SETD7: variants seen among roughly 807,000 people sequenced by gnomAD.
The protein encoded by SETD7 is SET domain containing 7, histone lysine methyltransferase, also known as histone-lysine N-methyltransferase SETD7.
A neutral mutation model predicts 41.8 loss-of-function variants in SETD7; 16 were observed. The observed-to-expected ratio is 0.38, with a 90% CI of 0.26 to 0.58. The LOEUF (loss-of-function observed/expected upper bound fraction) is 0.58. Ranked by LOEUF, SETD7 falls within the 20% of genes least tolerant of loss-of-function variation. The pLI is 0.64. For synonymous variants in SETD7, 163 were observed against 169.7 expected (o/e 0.96, Z 0.31); for missense variants, 346 against 459.7 (o/e 0.75, Z 2.26).
At chr4:139,517,311 C>A (rs1217865796) in intron 7 of SETD7, among the ~76,000 whole-genome samples, 3 of 152,108 alleles carry the variant, frequency 2.0e-5, no homozygotes, top group Non-Finnish European at 4.4e-5. Flanking sequence ...CCCATCTCTA[C>A]TAAAAATACA....
At chr4:139,523,483 G>C in intron 4 of SETD7, 48 bp from the exon 5 acceptor site, 1 of 1,364,560 alleles carries the variant, frequency 7.3e-7, no homozygotes, top group Non-Finnish European at 1.0e-6. Flanking sequence ...TTAGGGAAGA[G>C]CATTTATAAC....
chr4:139,509,164 C>G lies in SETD7; in HGVS notation c.*2499G>C, dbSNP rs1487787544. 6.5e-6 allele frequency: 1 copy of G among 152,704 alleles called. No individual in the cohort carries two copies. Among genetic ancestry groups the G allele is most frequent in the Non-Finnish European group, 1.5e-5 (1 of 68,532 alleles). 9.5% of individuals were successfully genotyped at this position (152,704 alleles called of 1,614,324 possible). ...CTGGGGCTGCTGTTACCCAGGATGC[C>G]CAGGCGTTCTCACATATGCAGAGAG... is the stretch of plus-strand genomic sequence containing the variant. On this transcript the variant is annotated 3_prime_UTR_variant, in exon 8 of 8. Coordinates refer to ENST00000274031, the MANE Select transcript of SETD7 (RefSeq NM_030648.4).
chr4:139,548,868 C>G (rs1560693358), intron 1 of SETD7, among the ~76,000 whole-genome samples: 1 of 152,140 alleles, frequency 6.6e-6, no homozygotes, highest in Non-Finnish European at 1.5e-5. Context: ...CAGAAGGGAA[C>G]TAGGCCATAA....
chr4:139,541,538 C>T (rs1002814545), intron 2 of SETD7, among the ~76,000 whole-genome samples: 2 of 152,112 alleles, frequency 1.3e-5, no homozygotes, highest in Non-Finnish European at 2.9e-5. Context: ...ATCTCGGGAC[C>T]GAGTGGATGT....
At chr4:139,553,543 G>T (rs1040911513) in intron 1 of SETD7, among the ~76,000 whole-genome samples, 1 of 152,236 alleles carries the variant, frequency 6.6e-6, no homozygotes, top group African/African-American at 2.4e-5. Context: ...TGTTTTGGAA[G>T]TCCAAGCCAG....
chr4:139,514,072 C>T (rs1192836182), intron 7 of SETD7, among the ~76,000 whole-genome samples: 2 of 152,138 alleles, frequency 1.3e-5, no homozygotes, highest in Admixed American at 6.5e-5. Flanking sequence ...CACCTGAGCT[C>T]GGGAGTTCAA....
chr4:139,513,977 T>C (rs2111125002), intron 7 of SETD7, among the ~76,000 whole-genome samples: 1 of 152,284 alleles, frequency 6.6e-6, no homozygotes, highest in African/African-American at 2.4e-5. Context: ...CACAACTCTT[T>C]GCTTAAATTA....
At chr4:139,540,783 A>T (rs1339033484) in intron 2 of SETD7, among the ~76,000 whole-genome samples, 1 of 152,252 alleles carries the variant, frequency 6.6e-6, no homozygotes, top group African/African-American at 2.4e-5. Flanking sequence ...TTCCAACAAA[A>T]GCTAGAGGAC....
chr4:139,500,612 G>A (rs182845353), intron 7 of SETD7, among the ~76,000 whole-genome samples: 275 of 152,238 alleles, frequency 1.8e-3, no homozygotes, highest in African/African-American at 6.5e-3. Flanking sequence ...AGTTTCAAGC[G>A]ATTCTCCTGC....
chr4:139,526,046 TTTTGTTTG>T (rs140153702), intron 4 of SETD7, among the ~76,000 whole-genome samples: 22 of 150,978 alleles, frequency 1.5e-4, no homozygotes, highest in South Asian at 4.2e-4. Context: ...TGTTGTTTGT[TTTTGTTTG>T]TTTGTTTGTT....
chr4:139,541,218 A>C (rs865863738), intron 2 of SETD7, among the ~76,000 whole-genome samples: 1 of 152,178 alleles, frequency 6.6e-6, no homozygotes, highest in Admixed American at 6.5e-5. Context: ...CTAATATTCC[A>C]TAGCCCCCGC....
chr4:139,544,224 T>C (rs1366472174), intron 2 of SETD7, among the ~76,000 whole-genome samples: 5 of 150,738 alleles, frequency 3.3e-5, no homozygotes, highest in African/African-American at 7.3e-5. Context: ...TCCAGGGAGG[T>C]TGAAGCTGCA....
At chr4:139,553,857 C>T (rs769657931) in intron 1 of SETD7, among the ~76,000 whole-genome samples, 1 of 152,182 alleles carries the variant, frequency 6.6e-6, no homozygotes, top group Non-Finnish European at 1.5e-5. Context: ...TGGGAAAGAA[C>T]AGAAGCAGTT....
downstream of SETD7, among the ~76,000 whole-genome samples, chr4:139,501,560 A>G (rs548131487): frequency 2.6e-5 from 4 of 152,108 alleles, no homozygotes; most frequent in East Asian, 7.7e-4. Flanking sequence ...ACAAAAAACC[A>G]CTTGTACCCC....
intron 3 of SETD7, chr4:139,532,868 T>C (rs1478136051): frequency 4.1e-6 from 2 of 482,696 alleles, no homozygotes; most frequent in South Asian, 2.9e-5. Context: ...AAAAGCAATA[T>C]ATTTTGCCTT....
At chr4:139,520,234 C>A in intron 6 of SETD7, 43 bp downstream of exon 6, 1 of 1,103,652 alleles carries the variant, frequency 9.1e-7, no homozygotes, top group East Asian at 2.6e-5. Context: ...AAGCAAAGCC[C>A]TTTAACCAAC....
chr4:139,529,464 G>A (rs1272035054), intron 3 of SETD7, among the ~76,000 whole-genome samples: 1 of 152,196 alleles, frequency 6.6e-6, no homozygotes, highest in East Asian at 1.9e-4. Flanking sequence ...GATTTAGAGA[G>A]TGGGAAATTC....
intron 1 of SETD7, among the ~76,000 whole-genome samples, chr4:139,549,451 G>C (rs78021441): frequency 6.6e-6 from 1 of 151,924 alleles, no homozygotes; most frequent in Non-Finnish European, 1.5e-5. Flanking sequence ...AGCCCTTGGA[G>C]GATAGTACTG....
chr4:139,543,369 T>C (rs1412867370), intron 2 of SETD7, among the ~76,000 whole-genome samples: 1 of 152,202 alleles, frequency 6.6e-6, no homozygotes, highest in African/African-American at 2.4e-5. Flanking sequence ...GACCTTTTAT[T>C]CAGTTGTAAG....
Sources: gnomAD v4.1 joint callset for allele counts (sites outside exome capture counted in the v4.1 genomes callset) on GRCh38, gnomAD v4.1.1 for gene constraint, MANE v1.5 for transcripts, NCBI Gene and HGNC (gene_info 2026-07-23, HGNC 2026-07-21) for gene names.